PXK: variants seen among roughly 807,000 people sequenced by gnomAD.
PXK encodes PX domain containing serine/threonine kinase like, also known as PX domain-containing protein kinase-like protein.
PXK carries 35 observed loss-of-function variants against 84.7 expected under a neutral mutation model. The observed-to-expected ratio is 0.41, with a 90% CI of 0.32 to 0.55. The LOEUF (loss-of-function observed/expected upper bound fraction) is 0.55, where lower values mean the gene tolerates loss of function less well. Among genes scored for constraint, PXK ranks in the 20% least tolerant of loss-of-function variants. The pLI is 0.21. For synonymous variants in PXK, 253 were observed against 260.8 expected (o/e 0.97, Z 0.29); for missense variants, 634 against 699.7 (o/e 0.91, Z 1.06).
chr3:58,365,052 G>A (rs2098250160), intron 1 of PXK, among the ~76,000 whole-genome samples: 1 of 150,796 alleles, frequency 6.6e-6, no homozygotes, highest in South Asian at 2.1e-4. Flanking sequence ...TCTTCTGCTT[G>A]CTTTGAGTGT....
chr3:58,395,871 T>C (rs1225032475), intron 9 of PXK, 112 bp downstream of exon 9: 1 of 796,374 alleles, frequency 1.3e-6, no homozygotes. Flanking sequence ...TGATTACTTA[T>C]AAACTGATTG....
chr3:58,360,922 TC>T (rs1446077634), intron 1 of PXK, among the ~76,000 whole-genome samples: 1 of 152,076 alleles, frequency 6.6e-6, no homozygotes, highest in Non-Finnish European at 1.5e-5. Context: ...CATCATAATG[TC>T]CTGTGTGTAT....
rs532666113 is a variant in PXK at position 58,370,587 on chromosome 3, C to T, written c.201+1109C>T. On this transcript the variant is annotated intron_variant, in intron 3 of 17. Coordinates refer to ENST00000356151, the MANE Select transcript of PXK (RefSeq NM_017771.5). The surrounding 1 kb of genome is among the most constrained non-coding windows in gnomAD (Gnocchi z 4.2). ...CCGTCATTGGTGAGCTAGCCGTTAT[C>T]GCTCATTCTGAGGGACCTCTGATCT... Among the ~76,000 whole-genome samples, 75 of 152,268 alleles carry T rather than the reference C, an allele frequency of 4.9e-4. 1 individual carries two copies. In the South Asian group the frequency reaches 0.015, roughly 30 times the overall value.
Position 58,421,555 on chromosome 3 carries a change from G to A in PXK, c.1529-3197G>A. The A allele has an allele frequency of 2.1e-6, 2 of 973,342 alleles. No homozygotes were observed. Among genetic ancestry groups the A allele is most frequent in the Non-Finnish European group, 2.4e-6 (2 of 816,860 alleles). The allele number at this position is 973,342 out of a possible 1,614,324, so 60.3% of individuals were successfully genotyped here. A position where few individuals can be genotyped will look rare whatever the true frequency, so the allele number is the denominator to read the frequency against. On this transcript the variant is annotated intron_variant, in intron 17 of 17. Coordinates refer to ENST00000356151, the MANE Select transcript of PXK (RefSeq NM_017771.5). The surrounding 1 kb of genome is among the most constrained non-coding windows in gnomAD (Gnocchi z 5.5). ...AGATCGCGCCACTGCACTCCAGCCT[G>A]GGCAACAGAGCGAGACTCCATCTCA...
chr3:58,372,294 C>G (rs562674082), intron 3 of PXK, among the ~76,000 whole-genome samples: 1 of 151,860 alleles, frequency 6.6e-6, no homozygotes, highest in Non-Finnish European at 1.5e-5. Context: ...CACATGTAGG[C>G]TATCTAAGTG....
At chr3:58,346,181 G>A (rs990512727) in intron 1 of PXK, among the ~76,000 whole-genome samples, 1 of 152,180 alleles carries the variant, frequency 6.6e-6, no homozygotes, top group African/African-American at 2.4e-5. Flanking sequence ...AGAGCCAATT[G>A]TGGGGCCTCT....
chr3:58,422,454 T>G, intron 17 of PXK: 1 of 985,440 alleles, frequency 1.0e-6, no homozygotes, highest in Non-Finnish European at 1.2e-6. Context: ...TGCCTGTCCT[T>G]TCGTTCCATC....
chr3:58,408,473 G>T (rs1450797976), intron 13 of PXK, among the ~76,000 whole-genome samples: 1 of 151,882 alleles, frequency 6.6e-6, no homozygotes, highest in Non-Finnish European at 1.5e-5. Flanking sequence ...ACCAAAAGTG[G>T]CTGGGGTAGG....
intron 8 of PXK, 79 bp from the exon 9 acceptor site, chr3:58,395,579 T>G: frequency 8.8e-7 from 1 of 1,132,208 alleles, no homozygotes; most frequent in Non-Finnish European, 1.3e-6. Context: ...CTCTGTAGAA[T>G]CCTGCCTGGT....
intron 2 of PXK, among the ~76,000 whole-genome samples, chr3:58,366,663 C>T (rs1164082710): frequency 2.6e-5 from 4 of 152,202 alleles, no homozygotes; most frequent in Non-Finnish European, 5.9e-5. Context: ...GTTGTCCACA[C>T]TTGGTCTTTT....
intron 3 of PXK, among the ~76,000 whole-genome samples, chr3:58,378,555 A>G (rs1238823150): frequency 4.4e-5 from 4 of 91,788 alleles, no homozygotes; most frequent in Admixed American, 1.6e-4. Context: ...TGTGTGTGTG[A>G]CGAAGTTTCG....
intron 3 of PXK, among the ~76,000 whole-genome samples, chr3:58,376,308 G>T (rs936053946): frequency 2.0e-5 from 3 of 152,004 alleles, no homozygotes; most frequent in Non-Finnish European, 1.5e-5. Context: ...CCACTTACTC[G>T]GGAGGCTGAG....
chr3:58,354,080 T>C (rs1343718096), intron 1 of PXK, among the ~76,000 whole-genome samples: 2 of 152,226 alleles, frequency 1.3e-5, no homozygotes, highest in Non-Finnish European at 2.9e-5. Context: ...TGATGGGCAC[T>C]GGAGACAAAC....
Position 58,422,942 on chromosome 3 carries a change from G to A in PXK, c.1529-1810G>A, listed in dbSNP as rs1268362452. ...AGGCAGAAACCCTGGAGCTCCTTCT[G>A]TTACACTACGTGGCCCTGAATATCA... On this transcript the variant is annotated intron_variant, in intron 17 of 17. Coordinates refer to ENST00000356151, the MANE Select transcript of PXK (RefSeq NM_017771.5). 4 of 985,294 alleles carry A rather than the reference G, an allele frequency of 4.1e-6. No homozygotes were observed. In the East Asian group the frequency reaches 3.4e-4, roughly 84 times the overall value. 61.0% of individuals were successfully genotyped at this position (985,294 alleles called of 1,614,324 possible).
intron 16 of PXK, among the ~76,000 whole-genome samples, chr3:58,410,521 C>T (rs1278183934): frequency 2.0e-5 from 3 of 152,184 alleles, no homozygotes; most frequent in African/African-American, 7.2e-5. Context: ...TTAAATCCTG[C>T]CCACTGCTCT....
At chr3:58,391,898 A>T in intron 7 of PXK, 51 bp downstream of exon 7, 1 of 1,506,730 alleles carries the variant, frequency 6.6e-7, no homozygotes, top group Non-Finnish European at 9.2e-7. Flanking sequence ...GAGTCACAGT[A>T]TTTTTTCTGG....
chr3:58,368,153 G>C (rs550208855), intron 2 of PXK, among the ~76,000 whole-genome samples: 1 of 151,660 alleles, frequency 6.6e-6, no homozygotes, highest in East Asian at 2.0e-4. Flanking sequence ...GTTTTTCTTG[G>C]TCTGTCCGTG....
Position 58,378,492 on chromosome 3 carries a change from C to CTTCTTTTT in PXK, c.202-4020_202-4019insCTTTTTTT, listed in dbSNP as rs1451583616. On this transcript the variant is annotated intron_variant, in intron 3 of 17. Coordinates refer to ENST00000356151, the MANE Select transcript of PXK (RefSeq NM_017771.5). ...ATTGGATTTGGACTTCATTTTTCTT[C>CTTCTTTTT]TTTTTTTTTTTTTTTTTTTTTGTGT... Among the ~76,000 whole-genome samples the CTTCTTTTT allele has an allele frequency of 2.1e-4, 5 of 24,324 alleles. 1 individual carries two copies. The highest frequency in any genetic ancestry group is 4.2e-4 in the African/African-American group (3 of 7,148). 16.0% of individuals were successfully genotyped at this position (24,324 alleles called of 152,430 possible).
Position 58,403,927 on chromosome 3 carries a change from C to T in PXK, c.1230+17C>T, listed in dbSNP as rs367937601. 1.1e-5 allele frequency: 16 copies of T among 1,465,882 alleles called. No individual in the cohort carries two copies. The highest frequency in any genetic ancestry group is 6.9e-5 in the African/African-American group (5 of 72,006). The allele number at this position is 1,465,882 out of a possible 1,614,324, so 90.8% of individuals were successfully genotyped here. ...CAGTTTAAGGTAAAGACAATTATAT[C>T]GTTTTTTGGTTTGTGACATAACTAA... On this transcript the variant is annotated intron_variant, in intron 13 of 17. Coordinates refer to ENST00000356151, the MANE Select transcript of PXK (RefSeq NM_017771.5).
Sources: allele counts gnomAD v4.1 joint callset (sites outside exome capture counted in the v4.1 genomes callset), GRCh38; gene constraint gnomAD v4.1.1; non-coding constraint Gnocchi (gnomAD v3.1); transcripts MANE v1.5; gene names NCBI Gene and HGNC (gene_info 2026-07-23, HGNC 2026-07-21).